The following CELSR1 variants were observed in gnomAD, a reference collection of about 807,000 sequenced individuals.
CELSR1 encodes cadherin EGF LAG seven-pass G-type receptor 1, also known as adhesion G protein-coupled receptor C1.
In CELSR1, 110 loss-of-function variants were observed where a neutral mutation model predicts 249.1. That is an observed-to-expected ratio of 0.44 (90% CI 0.38 to 0.52). The LOEUF (loss-of-function observed/expected upper bound fraction) is 0.52. Ranked by LOEUF, CELSR1 falls within the 20% of genes least tolerant of loss-of-function variation. The pLI, the probability that CELSR1 is intolerant of heterozygous loss-of-function variation, is 0.00. For synonymous variants in CELSR1, 2,113 were observed against 1,900.0 expected (o/e 1.11, Z -2.92); for missense variants, 4,109 against 4,296.4 (o/e 0.96, Z 1.22).
chr22:46,480,358 C>T (rs1370228462), intron 1 of CELSR1, among the ~76,000 whole-genome samples: 1 of 152,180 alleles, frequency 6.6e-6, no homozygotes. Context: ...AAAAGTACAT[C>T]CACATCCTGA....
intron 23 of CELSR1, among the ~76,000 whole-genome samples, chr22:46,378,250 G>C (rs2078939759): frequency 6.6e-6 from 1 of 152,242 alleles, no homozygotes; most frequent in Non-Finnish European, 1.5e-5. Context: ...GACCCGCACT[G>C]AAGTGAGGGG....
intron 29 of CELSR1, 116 bp from the exon 30 acceptor site, chr22:46,366,596 G>C: frequency 1.2e-6 from 1 of 833,554 alleles, no homozygotes; most frequent in Non-Finnish European, 2.0e-6. Context: ...CTGGGCCCCT[G>C]CCTGGCACAC....
intron 1 of CELSR1, among the ~76,000 whole-genome samples, chr22:46,503,663 G>A (rs1274851633): frequency 6.6e-6 from 1 of 152,218 alleles, no homozygotes; most frequent in Non-Finnish European, 1.5e-5. Flanking sequence ...CGAAAACGGG[G>A]CCCAAAGAAG....
At position 46,402,966 on chromosome 22, in the gene CELSR1, T is replaced by C. The variant is rs552796617; in HGVS notation, c.5227-3064A>G. 3.3e-5 allele frequency among the ~76,000 whole-genome samples: 5 copies of C among 152,294 alleles called. No individual in the cohort carries two copies. Among genetic ancestry groups the C allele is most frequent in the Admixed American group, 2.6e-4 (4 of 15,290 alleles). On this transcript the variant is annotated intron_variant, in intron 9 of 34. Coordinates refer to ENST00000674500, the MANE Select transcript of CELSR1 (RefSeq NM_001378328.1). The surrounding 1 kb of genome is among the most constrained non-coding windows in gnomAD (Gnocchi z 5.0). ...TAAAAGGATAGAAAAAAATACATCATATAAATACCAACCAAAAGACAAATG... is the reference window on the plus strand; with the variant it reads ...TAAAAGGATAGAAAAAAATACATCACATAAATACCAACCAAAAGACAAATG...
intron 1 of CELSR1, among the ~76,000 whole-genome samples, chr22:46,524,550 G>GCC (rs369829615): frequency 5.2e-5 from 2 of 38,156 alleles, no homozygotes; most frequent in African/African-American, 1.6e-4. Context: ...GCGTGTGTGT[G>GCC]TGTGTGTGTG....
chr22:46,471,594 C>A lies in CELSR1; in HGVS notation c.3545-7249G>T, dbSNP rs909477199. Reference sequence around the variant, plus strand: ...TGTTTTTTGTAGAGGTGAGGCCGTGCGATGTTGCCCAGGCTGGTCTCACAC... The same window carrying A: ...TGTTTTTTGTAGAGGTGAGGCCGTGAGATGTTGCCCAGGCTGGTCTCACAC... On this transcript the variant is annotated intron_variant, in intron 1 of 34. Coordinates refer to ENST00000674500, the MANE Select transcript of CELSR1 (RefSeq NM_001378328.1). This position sits in a 1 kb window ranked among gnomAD's most constrained non-coding sequence, Gnocchi z 4.9. Among the ~76,000 whole-genome samples, 1 of 152,092 alleles carries A rather than the reference C, an allele frequency of 6.6e-6. No homozygotes were observed.
chr22:46,457,593 G>A (rs2079971397), intron 2 of CELSR1, among the ~76,000 whole-genome samples: 1 of 152,220 alleles, frequency 6.6e-6, no homozygotes, highest in Admixed American at 6.5e-5. Flanking sequence ...GCGCCCCATG[G>A]GAAGACGAAG....
At chr22:46,530,978 T>C (rs5768913) in intron 1 of CELSR1, among the ~76,000 whole-genome samples, 41,889 of 152,142 alleles carry the variant, frequency 0.28, 6,572 homozygotes, top group Non-Finnish European at 0.36. Context: ...CAACACTCCA[T>C]TGAAAACAGT....
In CELSR1 at chr22:46,427,118, C is replaced by T. The variant is rs1289961802; in HGVS notation, c.4611+6275G>A. 6.6e-6 allele frequency among the ~76,000 whole-genome samples: 1 copy of T among 152,146 alleles called. No individual in the cohort carries two copies. Among genetic ancestry groups the T allele is most frequent in the African/African-American group, 2.4e-5 (1 of 41,408 alleles). Reference sequence around the variant, plus strand: ...GTGCATGTATATATGTACACACACACACACCTACACAGACGTCTATGTCCT... The same window carrying T: ...GTGCATGTATATATGTACACACACATACACCTACACAGACGTCTATGTCCT... On this transcript the variant is annotated intron_variant, in intron 5 of 34. Transcript: ENST00000674500. The surrounding 1 kb of genome is among the most constrained non-coding windows in gnomAD (Gnocchi z 4.2).
At position 46,381,841 on chromosome 22, in the gene CELSR1, C is replaced by T. The variant is rs1218717593; in HGVS notation, c.7088+5G>A. 1 of 1,547,368 alleles carries T rather than the reference C, an allele frequency of 6.5e-7. No individual in the cohort carries two copies. The highest frequency in any genetic ancestry group is 8.7e-7 in the Non-Finnish European group (1 of 1,149,828). On this transcript the variant is annotated splice_donor_5th_base_variant and intron_variant, in intron 21 of 34. Coordinates refer to ENST00000674500, the MANE Select transcript of CELSR1 (RefSeq NM_001378328.1). This position sits in a 1 kb window ranked among gnomAD's most constrained non-coding sequence, Gnocchi z 6.0. ...CTCCCCGTGTGCCCCGTGCCCAGGCCTTACCGGAGGCTGCGACGGTCGGGG... is the reference window on the plus strand; with the variant it reads ...CTCCCCGTGTGCCCCGTGCCCAGGCTTTACCGGAGGCTGCGACGGTCGGGG...
chr22:46,486,312 G>GC (rs1472408482), intron 1 of CELSR1, among the ~76,000 whole-genome samples: 5 of 151,504 alleles, frequency 3.3e-5, no homozygotes, highest in Non-Finnish European at 3.0e-5. Context: ...ACTTTGGGAG[G>GC]CAAGGAGAGT....
In CELSR1 at chr22:46,397,863, C is replaced by T. The variant is rs367672008; in HGVS notation, c.5527-15G>A. The T allele has an allele frequency of 1.2e-4, 186 of 1,528,638 alleles. No homozygotes were observed. The highest frequency in any genetic ancestry group is 5.4e-4 in the South Asian group (42 of 77,216). The allele number at this position is 1,528,638 out of a possible 1,614,324, so 94.7% of individuals were successfully genotyped here. A position where few individuals can be genotyped will look rare whatever the true frequency, so the allele number is the denominator to read the frequency against. On this transcript the variant is annotated splice_polypyrimidine_tract_variant and intron_variant, in intron 11 of 34. Coordinates refer to ENST00000674500, the MANE Select transcript of CELSR1 (RefSeq NM_001378328.1). The stretch of plus-strand genomic sequence containing the variant: ...ATCCTCACTCCCTGCATTAAGTAAA[C>T]GGCACTGGGGCTACAGGAGCCCGGA...
chr22:46,401,238 A>G lies in CELSR1; in HGVS notation c.5227-1336T>C, dbSNP rs1211759880. Among the ~76,000 whole-genome samples the G allele has an allele frequency of 6.6e-6, 1 of 152,212 alleles. No homozygotes were observed. Among genetic ancestry groups the G allele is most frequent in the Non-Finnish European group, 1.5e-5 (1 of 68,038 alleles). On this transcript the variant is annotated intron_variant, in intron 9 of 34. Coordinates refer to ENST00000674500, the MANE Select transcript of CELSR1 (RefSeq NM_001378328.1). The surrounding 1 kb of genome is among the most constrained non-coding windows in gnomAD (Gnocchi z 4.7). ...GAAAAAAACAAAAATCAGCATTGCA[A>G]CTGGCCTAAAACACTCATATTTTAA...
At chr22:46,364,310 G>A (rs921321713) in intron 33 of CELSR1, 59 bp from the exon 34 acceptor site, 3 of 1,584,546 alleles carry the variant, frequency 1.9e-6, no homozygotes, top group East Asian at 2.2e-5. Flanking sequence ...GGCAGCTGCT[G>A]GGCCGTGTGC....
In CELSR1 at chr22:46,429,421, G is replaced by A. The variant is rs753342863; in HGVS notation, c.4611+3972C>T. Among the ~76,000 whole-genome samples the A allele has an allele frequency of 5.8e-4, 88 of 152,196 alleles. No homozygotes were observed. The highest frequency in any genetic ancestry group is 7.7e-4 in the African/African-American group (32 of 41,444). ...TGCTCCACTCGGCCCCAAACCTCCC[G>A]GCGTGGCTGTGGGCGTGGGGGCTGT... On this transcript the variant is annotated intron_variant, in intron 5 of 34. Transcript: ENST00000674500. The surrounding 1 kb of genome is among the most constrained non-coding windows in gnomAD (Gnocchi z 4.1).
At chr22:46,515,131 C>A (rs546081679) in intron 1 of CELSR1, among the ~76,000 whole-genome samples, 1 of 152,316 alleles carries the variant, frequency 6.6e-6, no homozygotes, top group Non-Finnish European at 1.5e-5. Context: ...GCCAACCCCC[C>A]CCGGGGACAC....
intron 1 of CELSR1, among the ~76,000 whole-genome samples, chr22:46,507,282 G>A (rs1201835362): frequency 6.6e-6 from 1 of 152,316 alleles, no homozygotes; most frequent in Non-Finnish European, 1.5e-5. Flanking sequence ...CCACAGGTGA[G>A]AAGCCACGGC....
chr22:46,536,465 C>A lies in CELSR1; in HGVS notation c.706G>T (p.Gly236Cys). Residue 236 changes from glycine (G) to cysteine (C), a missense_variant, in exon 1 of 35, where the codon GGC becomes TGC. This residue lies in a region of CELSR1 where 673 missense variants were observed against 636.8 expected (regional missense o/e 1.06). Transcript: ENST00000674500. ...TTCAGGCTCCCTCTGCCGCTCGTGC[C>A]CCGCCGGGCCCGTCGCGCCGGCCCC... Reference protein sequence around the residue: ...RAGPARRARRGTSGRGSLKFP... With the variant: ...RAGPARRARRCTSGRGSLKFP... 2 of 1,607,050 alleles carry A rather than the reference C, an allele frequency of 1.2e-6. No homozygotes were observed. The highest frequency in any genetic ancestry group is 2.3e-5 in the East Asian group (1 of 44,382).
chr22:46,395,657 C>T lies in CELSR1; in HGVS notation c.5843+948G>A, dbSNP rs2079139922. Among the ~76,000 whole-genome samples, 1 of 152,204 alleles carries T rather than the reference C, an allele frequency of 6.6e-6. No individual in the cohort carries two copies. ...CATGGGGTCACAGCCGGGATCACAG[C>T]ACCTGCTCTAGGCTCGGGAGGACAA... On this transcript the variant is annotated intron_variant, in intron 13 of 34. Coordinates refer to ENST00000674500, the MANE Select transcript of CELSR1 (RefSeq NM_001378328.1). This position sits in a 1 kb window ranked among gnomAD's most constrained non-coding sequence, Gnocchi z 5.5.
Sources: gnomAD v4.1 joint callset for allele counts (sites outside exome capture counted in the v4.1 genomes callset) on GRCh38, gnomAD v4.1.1 for gene constraint, gnomAD v4.1.1 regional missense constraint, Gnocchi (gnomAD v3.1) non-coding constraint, MANE v1.5 for transcripts, NCBI Gene and HGNC (gene_info 2026-07-23, HGNC 2026-07-21) for gene names.